The following PRKCG variants were observed in gnomAD, a reference collection of about 807,000 sequenced individuals.
PRKCG encodes protein kinase C gamma, also known as protein kinase C gamma type.
Under a neutral mutation model 82.0 loss-of-function variants are expected in PRKCG, and 28 were observed. That is an observed-to-expected ratio of 0.34 (90% CI 0.25 to 0.47). The LOEUF is 0.47. Ranked by LOEUF, PRKCG falls within the 20% of genes least tolerant of loss-of-function variation. The probability of loss-of-function intolerance (pLI) is 1.00; values close to 1 mark genes in which losing one functional copy is unlikely to be tolerated. For synonymous variants in PRKCG, 383 were observed against 376.6 expected, an observed-to-expected ratio of 1.02 and a Z score of -0.20; for missense variants, 640 against 952.7, an observed-to-expected ratio of 0.67 and a Z score of 4.32.
At chr19:53,887,497 CAAAAAAAAAAAAAAAAAAAAAA>C (rs71189894) in intron 3 of PRKCG, among the ~76,000 whole-genome samples, 2 of 14,676 alleles carry the variant, frequency 1.4e-4, no homozygotes, top group African/African-American at 1.9e-4. Context: ...AACTCTGTCT[CAAAAAAAAAAAAAAAAAAAAAA>C]AAAAAAAAAA....
At chr19:53,898,167 T>C (rs2068731480) in intron 10 of PRKCG, 56 bp downstream of exon 10, 2 of 1,597,630 alleles carry the variant, frequency 1.3e-6, no homozygotes, top group Non-Finnish European at 1.7e-6. Flanking sequence ...AGGTCAGATT[T>C]CTGGTTCTTA....
At chr19:53,902,946 T>TATTC (rs1476759939) in intron 14 of PRKCG, 127 bp from the exon 15 acceptor site, 1 of 312,630 alleles carries the variant, frequency 3.2e-6, no homozygotes, top group Middle Eastern at 4.7e-4. Flanking sequence ...ATGAAATAAA[T>TATTC]ATTCAGAGTG....
intron 15 of PRKCG, among the ~76,000 whole-genome samples, chr19:53,903,921 G>C (rs2068782932): frequency 6.6e-6 from 1 of 152,096 alleles, no homozygotes; most frequent in African/African-American, 2.4e-5. Context: ...AAGTTCTAAT[G>C]GTAGTAAAGT....
intron 3 of PRKCG, among the ~76,000 whole-genome samples, chr19:53,887,680 A>T (rs1313891256): frequency 6.7e-6 from 1 of 148,890 alleles, no homozygotes; most frequent in African/African-American, 2.5e-5. Flanking sequence ...AATACAAAAA[A>T]TTAGCCAGGC....
chr19:53,883,292 G>A lies in PRKCG; in HGVS notation c.202+98G>A. The stretch of plus-strand genomic sequence containing the variant: ...TGACACACGTGTTCTCTGGTCCCCA[G>A]AGAGGCGCGGGGGAGCCCGGGGCGG... On this transcript the variant is annotated intron_variant, in intron 2 of 17. Coordinates refer to ENST00000263431, the MANE Select transcript of PRKCG (RefSeq NM_002739.5). The surrounding 1 kb of genome is among the most constrained non-coding windows in gnomAD (Gnocchi z 5.4). The A allele has an allele frequency of 1.4e-6, 2 of 1,468,060 alleles. No individual in the cohort carries two copies. Among genetic ancestry groups the A allele is most frequent in the Non-Finnish European group, 1.9e-6 (2 of 1,054,466 alleles). 90.9% of individuals were successfully genotyped at this position (1,468,060 alleles called of 1,614,324 possible).
intron 3 of PRKCG, among the ~76,000 whole-genome samples, chr19:53,885,988 A>G (rs1412785204): frequency 2.0e-5 from 3 of 148,476 alleles, no homozygotes; most frequent in African/African-American, 7.4e-5. Context: ...CTTGAACCTG[A>G]GCGGCAGAGG....
At chr19:53,898,785 G>GGA (rs1459205794) in intron 11 of PRKCG, among the ~76,000 whole-genome samples, 157 bp downstream of exon 11, 1 of 134,648 alleles carries the variant, frequency 7.4e-6, no homozygotes, top group Non-Finnish European at 1.6e-5. Flanking sequence ...GCGTGGCCGG[G>GGA]GGGGGGTCCT....
chr19:53,882,324 G>A lies in PRKCG; in HGVS notation c.-171G>A. On this transcript the variant is annotated 5_prime_UTR_variant, in exon 1 of 18. The change creates a new upstream start codon in the 5' untranslated region. Transcript: ENST00000263431. The surrounding 1 kb of genome is among the most constrained non-coding windows in gnomAD (Gnocchi z 6.1). The stretch of plus-strand genomic sequence containing the variant: ...CCCTGGCGGAGCCGGCGCGCCCGGG[G>A]TGCCGCTCCCTGCCTGGCGCGCTCC... 2.0e-6 allele frequency: 2 copies of A among 988,632 alleles called. No individual in the cohort carries two copies. The highest frequency in any genetic ancestry group is 3.0e-6 in the Non-Finnish European group (2 of 670,956). The allele number at this position is 988,632 out of a possible 1,614,324, so 61.2% of individuals were successfully genotyped here.
chr19:53,906,557 AGCCCCCC>A, intron 17 of PRKCG, 100 bp downstream of exon 17: 1 of 1,554,996 alleles, frequency 6.4e-7, no homozygotes, highest in Non-Finnish European at 8.8e-7. Context: ...CCCTCTGCAG[AGCCCCCC>A]GCCCCCAACA....
Position 53,900,887 on chromosome 19 carries a change from C to T in PRKCG, c.1575+138C>T. 1 of 1,424,402 alleles carries T rather than the reference C, an allele frequency of 7.0e-7. No homozygotes were observed. The highest frequency in any genetic ancestry group is 9.8e-7 in the Non-Finnish European group (1 of 1,024,674). The allele number at this position is 1,424,402 out of a possible 1,614,324, so 88.2% of individuals were successfully genotyped here. On this transcript the variant is annotated intron_variant, in intron 14 of 17. Transcript: ENST00000263431. The surrounding 1 kb of genome is among the most constrained non-coding windows in gnomAD (Gnocchi z 4.2). ...TGGCCTTCTTACACAGCCAGTCGTT[C>T]CTCCAGCCTCCAGCACAGGTGAGCT...
In PRKCG at chr19:53,898,789, GGGT is replaced by G. The variant is rs77303446; in HGVS notation, c.1281+162_1281+164del. Among the ~76,000 whole-genome samples the G allele has an allele frequency of 7.8e-3, 882 of 113,626 alleles. 65 individuals are homozygous for G. The East Asian group carries it at 0.094, about 12-fold the overall frequency. The allele number at this position is 113,626 out of a possible 152,430, so 74.5% of individuals were successfully genotyped here. On this transcript the variant is annotated intron_variant, in intron 11 of 17. Transcript: ENST00000263431. ...CTCCTCAGGGGGCGTGGCCGGGGGG[GGGT>G]CCTTGGGGGGCGTGGCCAGGCGAAG...
chr19:53,887,685 C>T (rs1028669222), intron 3 of PRKCG, among the ~76,000 whole-genome samples: 2 of 150,882 alleles, frequency 1.3e-5, no homozygotes, highest in Admixed American at 1.3e-4. Flanking sequence ...AAAAAATTAG[C>T]CAGGCACGGT....
chr19:53,891,626 C>T (rs762046741), intron 5 of PRKCG, 48 bp from the exon 6 acceptor site: 21 of 1,607,478 alleles, frequency 1.3e-5, no homozygotes, highest in Non-Finnish European at 1.7e-5. Context: ...GCTGGGAGCC[C>T]CTTCCTGGAT....
intron 15 of PRKCG, 102 bp downstream of exon 15, chr19:53,903,255 C>T (rs951004592): frequency 4.3e-5 from 38 of 882,596 alleles, no homozygotes; most frequent in Non-Finnish European, 6.2e-5. Context: ...AGGTTGTGCT[C>T]GAATAGCGCT....
Position 53,889,333 on chromosome 19 carries a change from A to G in PRKCG, c.286-305A>G, listed in dbSNP as rs2122987771. Among the ~76,000 whole-genome samples the G allele has an allele frequency of 6.6e-6, 1 of 152,030 alleles. No homozygotes were observed. Among genetic ancestry groups the G allele is most frequent in the South Asian group, 2.1e-4 (1 of 4,812 alleles). On this transcript the variant is annotated intron_variant, in intron 3 of 17. Transcript: ENST00000263431. The surrounding 1 kb of genome is among the most constrained non-coding windows in gnomAD (Gnocchi z 4.4). ...GCCTCATTTTTTCTCCAGAGCACCC[A>G]TTACCAACCATCAAACTATATGTTT...
Position 53,903,303 on chromosome 19 carries a change from G to GTGTTT in PRKCG, c.1656+171_1656+175dup, listed in dbSNP as rs112181322. 146 of 744,430 alleles carry GTGTTT rather than the reference G, an allele frequency of 2.0e-4. 1 individual carries two copies. Among genetic ancestry groups the GTGTTT allele is most frequent in the South Asian group, 5.7e-4 (40 of 70,780 alleles). The allele number at this position is 744,430 out of a possible 1,614,324, so 46.1% of individuals were successfully genotyped here. On this transcript the variant is annotated intron_variant, in intron 15 of 17. Coordinates refer to ENST00000263431, the MANE Select transcript of PRKCG (RefSeq NM_002739.5). ...GAAGTGTTGTCTTAATGTAGACCAG[G>GTGTTT]TGTTTTGTTTTGTTTTGTTTTGTTT...
At chr19:53,899,268 G>A (rs2068744877) in intron 11 of PRKCG, among the ~76,000 whole-genome samples, 1 of 152,172 alleles carries the variant, frequency 6.6e-6, no homozygotes, top group Non-Finnish European at 1.5e-5. Flanking sequence ...TGGGGGGAGT[G>A]GCCAGATGCC....
In PRKCG at chr19:53,899,991, C is replaced by T. The variant is rs185868267; in HGVS notation, c.1282-242C>T. On this transcript the variant is annotated intron_variant, in intron 11 of 17. Coordinates refer to ENST00000263431, the MANE Select transcript of PRKCG (RefSeq NM_002739.5). ...TTTCGAGCGAATGGTGGGCTTCAGTCTTCAATTCTGAGAAGGCGGGGCCAG... is the reference window on the plus strand; with the variant it reads ...TTTCGAGCGAATGGTGGGCTTCAGTTTTCAATTCTGAGAAGGCGGGGCCAG... 1.9e-3 allele frequency among the ~76,000 whole-genome samples: 288 copies of T among 152,248 alleles called. 2 individuals carry two copies. Among genetic ancestry groups the T allele is most frequent in the Admixed American group, 3.4e-3 (52 of 15,286 alleles).
Position 53,882,637 on chromosome 19 carries a change from T to C in PRKCG, c.143T>C (p.Phe48Ser). The change falls in exon 1 of 18, where the codon TTC (phenylalanine) becomes TCC (serine). Residue 48 changes from phenylalanine (F) to serine (S), a missense_variant. Transcript: ENST00000263431. The surrounding 1 kb of genome is among the most constrained non-coding windows in gnomAD (Gnocchi z 6.1). ...FTARFFKQPT[F>S]CSHCTDFIWG... ...GCTCGCTTCTTCAAGCAGCCCACCT[T>C]CTGCAGCCACTGCACCGACTTCATC... The C allele has an allele frequency of 1.2e-6, 2 of 1,611,840 alleles. No homozygotes were observed. Among genetic ancestry groups the C allele is most frequent in the Non-Finnish European group, 1.7e-6 (2 of 1,179,408 alleles).
Sources: gnomAD v4.1 joint callset for allele counts (sites outside exome capture counted in the v4.1 genomes callset) on GRCh38, gnomAD v4.1.1 for gene constraint, Gnocchi (gnomAD v3.1) non-coding constraint, MANE v1.5 for transcripts, NCBI Gene and HGNC (gene_info 2026-07-23, HGNC 2026-07-21) for gene names.